SARDH: variants seen among roughly 807,000 people sequenced by gnomAD.
SARDH encodes the protein sarcosine dehydrogenase, mitochondrial.
SARDH carries 95 observed loss-of-function variants against 109.1 expected under a neutral mutation model. The observed-to-expected ratio is 0.87, with a 90% CI of 0.74 to 1.03. The LOEUF is 1.03. Ranked by LOEUF, SARDH falls within the 50% of genes least tolerant of loss-of-function variation. The pLI is 0.00. For synonymous variants in SARDH, 572 were observed against 534.8 expected, an observed-to-expected ratio of 1.07 and a Z score of -0.96; for missense variants, 1,267 against 1,287.8, an observed-to-expected ratio of 0.98 and a Z score of 0.25.
rs577057317 is a variant in SARDH, at chr9:133,702,952, G to C, written c.1632C>G (p.Asp544Glu). The C allele has an allele frequency of 5.6e-6, 9 of 1,613,154 alleles. No individual in the cohort carries two copies. In the African/African-American group the frequency reaches 8.0e-5, roughly 14 times the overall value. Residue 544 changes from aspartate to glutamate, a missense_variant, in exon 13 of 21, where the codon GAC becomes GAG. Physicochemically the swap from Asp to Glu is conservative, Grantham distance 45 (BLOSUM62 2). Coordinates refer to ENST00000439388, the MANE Select transcript of SARDH (RefSeq NM_001134707.2). ...GGGGCGGGAAGGCGAAGGTGTACTC[G>C]TCTGCCAGCAGCCTGCGGTAGGCGT... ...EDYAYRRLLA[D>E]EYTFAFPPHH...
chr9:133,731,613 G>T, intron 3 of SARDH, 129 bp from the exon 4 acceptor site: 2 of 851,668 alleles, frequency 2.3e-6, no homozygotes, highest in Non-Finnish European at 1.8e-6. Context: ...CGGTCCCCAC[G>T]CCCCCGGAGC....
At chr9:133,724,989 A>G (rs1234820461) in intron 6 of SARDH, among the ~76,000 whole-genome samples, 1 of 152,236 alleles carries the variant, frequency 6.6e-6, no homozygotes, top group African/African-American at 2.4e-5. Context: ...AATGAGAAAC[A>G]CCAAATGTCC....
At chr9:133,696,034 G>A (rs1362903216) in intron 14 of SARDH, among the ~76,000 whole-genome samples, 189 bp downstream of exon 14, 1 of 147,224 alleles carries the variant, frequency 6.8e-6, no homozygotes, top group Admixed American at 6.9e-5. Flanking sequence ...GTGGAGGAAA[G>A]TAATGAGGGC....
intron 5 of SARDH, 34 bp downstream of exon 5, chr9:133,730,030 G>C (rs1158506108): frequency 1.2e-6 from 2 of 1,612,332 alleles, no homozygotes; most frequent in Non-Finnish European, 1.7e-6. Context: ...AGCCAGCATG[G>C]CCACACAGGA....
intron 3 of SARDH, 25 bp downstream of exon 3, chr9:133,732,398 T>A: frequency 5.5e-5 from 15 of 271,750 alleles, no homozygotes; most frequent in Non-Finnish European, 9.4e-5. Context: ...GCCCCCCTCC[T>A]TGCCCCCCGC....
In SARDH at chr9:133,709,446, G is replaced by A. The variant is rs954182975; in HGVS notation, c.1329-1018C>T. On this transcript the variant is annotated intron_variant, in intron 10 of 20. Transcript: ENST00000439388. This position sits in a 1 kb window ranked among gnomAD's most constrained non-coding sequence, Gnocchi z 4.2. ...CGCACAAACCTCCCTGTCAGCCCCC[G>A]GCTTTCCCAGCACCCCGCCTCCCCC... Among the ~76,000 whole-genome samples, 1 of 152,000 alleles carries A rather than the reference G, an allele frequency of 6.6e-6. No individual in the cohort carries two copies.
intron 18 of SARDH, 71 bp downstream of exon 18, chr9:133,671,464 C>A: frequency 6.8e-7 from 1 of 1,464,540 alleles, no homozygotes; most frequent in Non-Finnish European, 9.1e-7. Context: ...TCTCGGCCTC[C>A]AGGTGTCTCG....
At position 133,702,985 on chromosome 9, in the gene SARDH, G is replaced by C; in HGVS notation, c.1599C>G (p.His533Gln). 2 of 1,613,488 alleles carry C rather than the reference G, an allele frequency of 1.2e-6. No individual in the cohort carries two copies. The highest frequency in any genetic ancestry group is 1.6e-4 in the Middle Eastern group (1 of 6,062). ...GCAGCCTGCGGTAGGCGTAGTCCTC[G>C]TGCGCGCGGCTCCCGTAAGCCCCGT... The part of the protein sequence containing the change: ...DYYGAYGSRA[H>Q]EDYAYRRLLA... The change falls in exon 13 of 21, where the codon CAC becomes CAG. Residue 533 changes from histidine to glutamine, a missense_variant. Physicochemically the swap from His to Gln is conservative, Grantham distance 24. Transcript: ENST00000439388.
At position 133,704,584 on chromosome 9, in the gene SARDH, A is replaced by G. The variant is rs1831616883; in HGVS notation, c.1554+364T>C. On this transcript the variant is annotated intron_variant, in intron 12 of 20. Coordinates refer to ENST00000439388, the MANE Select transcript of SARDH (RefSeq NM_001134707.2). The surrounding 1 kb of genome is among the most constrained non-coding windows in gnomAD (Gnocchi z 4.5). ...TCGGAGTGGCCAAAAATAGATGCAC[A>G]GAATTAGGAGACGCTCCATTCCTCC... Among the ~76,000 whole-genome samples the G allele has an allele frequency of 6.6e-6, 1 of 152,168 alleles. No homozygotes were observed. Among genetic ancestry groups the G allele is most frequent in the South Asian group, 2.1e-4 (1 of 4,828 alleles).
rs1035390921 is a variant in SARDH, at chr9:133,670,990, C to T, written c.2327-238G>A. Among the ~76,000 whole-genome samples, 4 of 152,114 alleles carry T rather than the reference C, an allele frequency of 2.6e-5. No homozygotes were observed. The South Asian group carries it at 6.2e-4, about 24-fold the overall frequency. On this transcript the variant is annotated intron_variant, in intron 18 of 20. Transcript: ENST00000439388. ...AGCCCTCTGCACCCTCAGGTGGGGGCGTCAGGGAGGGGCTTGTGAAGGGGG... is the reference window on the plus strand; with the variant it reads ...AGCCCTCTGCACCCTCAGGTGGGGGTGTCAGGGAGGGGCTTGTGAAGGGGG...
chr9:133,689,931 C>T (rs1003914116), intron 16 of SARDH, among the ~76,000 whole-genome samples: 3 of 152,288 alleles, frequency 2.0e-5, no homozygotes, highest in East Asian at 1.9e-4. Flanking sequence ...AAGGAATGCA[C>T]GCATGGATAA....
chr9:133,673,899 G>A (rs1564236574), intron 17 of SARDH, among the ~76,000 whole-genome samples: 2 of 152,226 alleles, frequency 1.3e-5, no homozygotes, highest in African/African-American at 4.8e-5. Flanking sequence ...GGGTGGAAGG[G>A]AGGGAGCAGT....
chr9:133,698,641 A>G (rs980075035), intron 13 of SARDH, among the ~76,000 whole-genome samples: 1 of 152,190 alleles, frequency 6.6e-6, no homozygotes, highest in Admixed American at 6.5e-5. Flanking sequence ...CAGTCAATTG[A>G]TTTTCAACAA....
rs1354778105 is a variant in SARDH, at chr9:133,693,585, C to G, written c.1921+673G>C. Among the ~76,000 whole-genome samples, 1 of 152,228 alleles carries G rather than the reference C, an allele frequency of 6.6e-6. No homozygotes were observed. The highest frequency in any genetic ancestry group is 2.1e-4 in the South Asian group (1 of 4,822). ...TCCTGGAGAAAGAGAATGTTTCCCT[C>G]TCTGCTTCTTCATCCCTGGTGGGGA... On this transcript the variant is annotated intron_variant, in intron 15 of 20. Coordinates refer to ENST00000439388, the MANE Select transcript of SARDH (RefSeq NM_001134707.2). This position sits in a 1 kb window ranked among gnomAD's most constrained non-coding sequence, Gnocchi z 5.6.
At chr9:133,701,145 C>T (rs1209932597) in intron 13 of SARDH, among the ~76,000 whole-genome samples, 1 of 152,258 alleles carries the variant, frequency 6.6e-6, no homozygotes, top group Admixed American at 6.5e-5. Context: ...TCAGGCAGAT[C>T]CCTGCCCAGC....
chr9:133,733,816 T>C (rs1437749497), intron 2 of SARDH, 27 bp downstream of exon 2: 1 of 1,445,872 alleles, frequency 6.9e-7, no homozygotes, highest in Non-Finnish European at 9.1e-7. Context: ...TATCCTTCCC[T>C]GCCCCTACCT....
chr9:133,703,184 G>C lies in SARDH; in HGVS notation c.1555-155C>G, dbSNP rs553078014. The C allele has an allele frequency of 7.5e-6, 5 of 666,698 alleles. No individual in the cohort carries two copies. The East Asian group carries it at 1.4e-4, about 18-fold the overall frequency. 41.3% of individuals were successfully genotyped at this position (666,698 alleles called of 1,614,324 possible). On this transcript the variant is annotated intron_variant, in intron 12 of 20. Coordinates refer to ENST00000439388, the MANE Select transcript of SARDH (RefSeq NM_001134707.2). ...TGCCCGTGTGTTGTGGACGCGGGCA[G>C]GGGGCCCCCATGAGGTCCAGGCAAA...
chr9:133,733,814 C>A, intron 2 of SARDH, 29 bp downstream of exon 2: 1 of 1,445,440 alleles, frequency 6.9e-7, no homozygotes, highest in South Asian at 1.5e-5. Context: ...CCTATCCTTC[C>A]CTGCCCCTAC....
chr9:133,732,721 C>A, intron 2 of SARDH, 120 bp from the exon 3 acceptor site: 1 of 1,149,102 alleles, frequency 8.7e-7, no homozygotes, highest in Non-Finnish European at 1.2e-6. Flanking sequence ...CAAGGTCTTT[C>A]TCTGCAGGAC....
Sources: gnomAD v4.1 joint callset for allele counts (sites outside exome capture counted in the v4.1 genomes callset) on GRCh38, gnomAD v4.1.1 for gene constraint, Gnocchi (gnomAD v3.1) non-coding constraint, MANE v1.5 for transcripts, NCBI Gene and HGNC (gene_info 2026-07-23, HGNC 2026-07-21) for gene names.